LNX1: variants seen among roughly 807,000 people sequenced by gnomAD.
The protein encoded by LNX1 is ligand of numb-protein X 1.
LNX1 carries 54 observed loss-of-function variants against 68.4 expected under a neutral mutation model. That is an observed-to-expected ratio of 0.79 (90% CI 0.63 to 0.99). The LOEUF is 0.99. Ranked by LOEUF, LNX1 falls within the 50% of genes least tolerant of loss-of-function variation. The pLI is 0.00. For missense variants in LNX1, 906 were observed against 926.4 expected (o/e 0.98, Z 0.29); for synonymous variants, 336 against 350.0 (o/e 0.96, Z 0.45).
intron 2 of LNX1, among the ~76,000 whole-genome samples, chr4:53,546,262 G>A (rs1435813571): frequency 2.0e-5 from 3 of 152,202 alleles, no homozygotes; most frequent in Non-Finnish European, 4.4e-5. Flanking sequence ...CCTTATTGCT[G>A]TCAAATGGAC....
chr4:53,644,349 C>T (rs1032327974), intron 1 of LNX1, among the ~76,000 whole-genome samples: 2 of 152,064 alleles, frequency 1.3e-5, no homozygotes, highest in African/African-American at 4.8e-5. Context: ...TTGCAGTGAG[C>T]CGAGATCACG....
intron 2 of LNX1, among the ~76,000 whole-genome samples, chr4:53,609,545 T>C (rs2109845825): frequency 6.8e-6 from 1 of 147,188 alleles, no homozygotes; most frequent in South Asian, 2.1e-4. Context: ...CATAAATTTA[T>C]AATTTATGTA....
chr4:53,511,410 A>G (rs1450434032), intron 2 of LNX1, among the ~76,000 whole-genome samples: 2 of 152,192 alleles, frequency 1.3e-5, no homozygotes, highest in Non-Finnish European at 2.9e-5. Flanking sequence ...AGGAGGATTT[A>G]TGCTTCCTTT....
upstream of LNX1, among the ~76,000 whole-genome samples, chr4:53,618,332 CT>C (rs1230131199): frequency 2.6e-5 from 4 of 152,112 alleles, no homozygotes; most frequent in African/African-American, 9.7e-5. Flanking sequence ...TTAAAAATTC[CT>C]TTTTCAGATG....
rs1366320717 is a variant in LNX1 at position 53,572,802 on chromosome 4, G to T, written c.380+821C>A. On this transcript the variant is annotated intron_variant, in intron 2 of 10. Transcript: ENST00000263925. Reference sequence around the variant, plus strand: ...ACCAGTGTGGGTGTGTGTGTGTGTGGGTGTGTGTGTGCACGTGCAACTTAG... The same window carrying T: ...ACCAGTGTGGGTGTGTGTGTGTGTGTGTGTGTGTGTGCACGTGCAACTTAG... Among the ~76,000 whole-genome samples, 5 of 151,854 alleles carry T rather than the reference G, an allele frequency of 3.3e-5. No individual in the cohort carries two copies. The East Asian group carries it at 5.8e-4, about 18-fold the overall frequency.
intron 4 of LNX1, 71 bp from the exon 5 acceptor site, chr4:53,498,914 A>G: frequency 3.5e-6 from 4 of 1,144,898 alleles, no homozygotes; most frequent in Non-Finnish European, 5.2e-6. Flanking sequence ...TTCTTGCCAA[A>G]CTTCAGTGTC....
rs564242837 is a variant in LNX1, at chr4:53,484,034, T to C, written c.1351-2180A>G. The stretch of plus-strand genomic sequence containing the variant: ...CTTATGAAAGGGGCTGGAGGAATCT[T>C]GTTTGCCCCTCTACCATGTAAGGAC... On this transcript the variant is annotated intron_variant, in intron 6 of 10. Coordinates refer to ENST00000263925, the MANE Select transcript of LNX1 (RefSeq NM_001126328.3). Among the ~76,000 whole-genome samples the C allele has an allele frequency of 2.6e-5, 4 of 152,276 alleles. No individual in the cohort carries two copies. In the East Asian group the frequency reaches 7.7e-4, roughly 29 times the overall value.
At chr4:53,567,217 T>G (rs1231809423) in intron 2 of LNX1, among the ~76,000 whole-genome samples, 2 of 145,508 alleles carry the variant, frequency 1.4e-5, no homozygotes, top group Non-Finnish European at 3.0e-5. Flanking sequence ...ACACCACACC[T>G]ATTCCAAAAT....
chr4:53,583,250 G>A (rs1443423019), intron 1 of LNX1, among the ~76,000 whole-genome samples: 1 of 152,092 alleles, frequency 6.6e-6, no homozygotes, highest in Non-Finnish European at 1.5e-5. Context: ...CATGTAATAG[G>A]GAAGAATTAG....
Position 53,460,644 on chromosome 4 carries a change from G to T in LNX1, c.*263C>A. 1 of 353,634 alleles carries T rather than the reference G, an allele frequency of 2.8e-6. No homozygotes were observed. Among genetic ancestry groups the T allele is most frequent in the Admixed American group, 5.0e-5 (1 of 20,132 alleles). 21.9% of individuals were successfully genotyped at this position (353,634 alleles called of 1,614,324 possible). ...TATACAAATCATTTTAGTTGTTTTA[G>T]GGCTTTTTATTGAATAGAAAAAATA... On this transcript the variant is annotated 3_prime_UTR_variant, in exon 11 of 11. Coordinates refer to ENST00000263925, the MANE Select transcript of LNX1 (RefSeq NM_001126328.3).
chr4:53,574,674 A>G (rs149101450), intron 1 of LNX1, among the ~76,000 whole-genome samples: 29 of 152,294 alleles, frequency 1.9e-4, no homozygotes, highest in African/African-American at 7.0e-4. Context: ...GGCTCTGGAC[A>G]CTTTGCCTGG....
intron 2 of LNX1, among the ~76,000 whole-genome samples, chr4:53,553,097 C>G (rs1729630384): frequency 6.6e-6 from 1 of 152,120 alleles, no homozygotes; most frequent in South Asian, 2.1e-4. Context: ...CTTAATTCTG[C>G]CCTGACCTGT....
intron 1 of LNX1, among the ~76,000 whole-genome samples, chr4:53,578,702 T>C (rs1731647893): frequency 6.6e-6 from 1 of 152,232 alleles, no homozygotes; most frequent in Admixed American, 6.5e-5. Context: ...TTTTATCTTT[T>C]CCCTTCCTTT....
At chr4:53,576,749 G>A (rs1226197186) in intron 1 of LNX1, among the ~76,000 whole-genome samples, 5 of 151,950 alleles carry the variant, frequency 3.3e-5, no homozygotes, top group South Asian at 2.1e-4. Context: ...AAAGACACAC[G>A]AATAACCTAA....
At chr4:53,544,418 C>G (rs1728959572) in intron 2 of LNX1, among the ~76,000 whole-genome samples, 1 of 152,084 alleles carries the variant, frequency 6.6e-6, no homozygotes, top group African/African-American at 2.4e-5. Context: ...TAGTCTCAAA[C>G]TACTGAACTC....
At chr4:53,490,755 G>A (rs939389544) in intron 6 of LNX1, among the ~76,000 whole-genome samples, 3 of 152,198 alleles carry the variant, frequency 2.0e-5, no homozygotes, top group African/African-American at 7.2e-5. Flanking sequence ...AGAAATTTGA[G>A]TCTCAACATT....
At chr4:53,478,898 A>C (rs1445060310) in intron 7 of LNX1, among the ~76,000 whole-genome samples, 156 bp from the exon 8 acceptor site, 1 of 152,200 alleles carries the variant, frequency 6.6e-6, no homozygotes, top group Non-Finnish European at 1.5e-5. Context: ...TGGTTCTTGA[A>C]ATCACAGAGA....
chr4:53,632,334 G>A (rs962334335), intron 1 of LNX1, among the ~76,000 whole-genome samples: 2 of 152,138 alleles, frequency 1.3e-5, no homozygotes, highest in Admixed American at 6.5e-5. Context: ...CTGTTGCCTT[G>A]CCCAGACTCC....
At chr4:53,494,390 G>T (rs1202957623) in intron 6 of LNX1, among the ~76,000 whole-genome samples, 1 of 152,158 alleles carries the variant, frequency 6.6e-6, no homozygotes, top group African/African-American at 2.4e-5. Flanking sequence ...GTCTTTATCA[G>T]CAGCAAGAGA....
Sources: allele counts gnomAD v4.1 joint callset (sites outside exome capture counted in the v4.1 genomes callset), GRCh38; gene constraint gnomAD v4.1.1; transcripts MANE v1.5; gene names NCBI Gene and HGNC (gene_info 2026-07-23, HGNC 2026-07-21).